NCOA3: variants seen among roughly 807,000 people sequenced by gnomAD.
NCOA3 encodes CBP-interacting protein.
In NCOA3, 51 loss-of-function variants were observed where a neutral mutation model predicts 158.8. The observed-to-expected ratio is 0.32, with a 90% CI of 0.26 to 0.41. The LOEUF (loss-of-function observed/expected upper bound fraction) is 0.41, where lower values mean the gene tolerates loss of function less well. Among genes scored for constraint, NCOA3 ranks in the 10% least tolerant of loss-of-function variants. The probability of loss-of-function intolerance (pLI) is 1.00; values close to 1 mark genes in which losing one functional copy is unlikely to be tolerated. For synonymous variants in NCOA3, 537 were observed against 592.4 expected, an observed-to-expected ratio of 0.91 and a Z score of 1.36; for missense variants, 1,510 against 1,746.6, an observed-to-expected ratio of 0.86 and a Z score of 2.41.
intron 10 of NCOA3, among the ~76,000 whole-genome samples, chr20:47,634,475 A>G (rs1159211202): frequency 6.6e-6 from 1 of 152,230 alleles, no homozygotes; most frequent in Admixed American, 6.5e-5. Flanking sequence ...CTTACCACTC[A>G]TTTCTGATAA....
chr20:47,635,010 C>T (rs563792886), intron 10 of NCOA3, among the ~76,000 whole-genome samples: 1 of 150,980 alleles, frequency 6.6e-6, no homozygotes, highest in African/African-American at 2.4e-5. Flanking sequence ...CTCACTGCAA[C>T]CTCGAACTCC....
In NCOA3 at chr20:47,652,480, G is replaced by T. The variant is rs1355776553; in HGVS notation, c.4021G>T (p.Gly1341Cys). The T allele has an allele frequency of 6.2e-7, 1 of 1,613,904 alleles. No individual in the cohort carries two copies. Among genetic ancestry groups the T allele is most frequent in the African/African-American group, 1.3e-5 (1 of 74,908 alleles). Residue 1341 changes from glycine to cysteine, a missense_variant, in exon 21 of 23, where the codon GGT becomes TGT. Gly to Cys is a radical substitution (Grantham distance 159). Around this residue, in one of 4 missense-constraint regions of NCOA3, gnomAD observed 180 missense variants for 199.3 expected, o/e 0.90. Transcript: ENST00000371998. ...PPNAMMSSRM[G>C]PSQNPMMQHP... Reference sequence around the variant, plus strand: ...CAATGCAATGATGTCGTCAAGAATGGGTCCCTCCCAGAATCCCATGATGCA... The same window carrying T: ...CAATGCAATGATGTCGTCAAGAATGTGTCCCTCCCAGAATCCCATGATGCA...
intron 1 of NCOA3, among the ~76,000 whole-genome samples, chr20:47,514,551 C>G (rs2084199916): frequency 6.6e-6 from 1 of 151,880 alleles, no homozygotes; most frequent in South Asian, 2.1e-4. Context: ...TCATTCCCAC[C>G]TAATTTTTTT....
intron 9 of NCOA3, 52 bp downstream of exon 9, chr20:47,633,688 G>T (rs775480815): frequency 6.4e-7 from 1 of 1,568,988 alleles, no homozygotes; most frequent in Non-Finnish European, 8.6e-7. Flanking sequence ...TTAGAGACAG[G>T]GCCTTGCTAT....
chr20:47,555,054 C>T (rs988857753), intron 1 of NCOA3, among the ~76,000 whole-genome samples: 1 of 152,158 alleles, frequency 6.6e-6, no homozygotes, highest in African/African-American at 2.4e-5. Context: ...AATAATGCTG[C>T]ATATCTACAA....
chr20:47,641,498 T>TC (rs1314545872), intron 16 of NCOA3, among the ~76,000 whole-genome samples: 1 of 124,182 alleles, frequency 8.1e-6, no homozygotes, highest in East Asian at 2.2e-4. Flanking sequence ...TTCTTTTTTT[T>TC]TTTTTTTTTT....
intron 8 of NCOA3, among the ~76,000 whole-genome samples, chr20:47,629,127 ATG>A (rs1231725324): frequency 6.6e-6 from 1 of 152,190 alleles, no homozygotes; most frequent in African/African-American, 2.4e-5. Flanking sequence ...TTACATATGT[ATG>A]TGTGTGTTTG....
intron 1 of NCOA3, among the ~76,000 whole-genome samples, chr20:47,549,608 G>A (rs367880418): frequency 1.3e-5 from 2 of 151,018 alleles, no homozygotes; most frequent in Admixed American, 6.6e-5. Context: ...ATAAATTGGT[G>A]GTGGTTGGAT....
At chr20:47,536,969 A>C (rs78803156) in intron 1 of NCOA3, among the ~76,000 whole-genome samples, 1 of 150,734 alleles carries the variant, frequency 6.6e-6, no homozygotes, top group South Asian at 2.1e-4. Context: ...ATGCCCGGCT[A>C]ATTTTTTTTT....
In NCOA3 at chr20:47,527,588, T is replaced by A. The variant is rs4809640; in HGVS notation, c.-99+25569T>A. Among the ~76,000 whole-genome samples the A allele has an allele frequency of 2.8e-3, 427 of 152,356 alleles. 6 individuals carry two copies. Among genetic ancestry groups the A allele is most frequent in the Admixed American group, 0.025 (386 of 15,300 alleles). On this transcript the variant is annotated intron_variant, in intron 1 of 22. Coordinates refer to ENST00000371998, the MANE Select transcript of NCOA3 (RefSeq NM_181659.3). ...AATAGAGCCGCTGTGAACATTTGAA[T>A]ACAAACCTTAGCGTGGGCAGAAGGT... is the stretch of plus-strand genomic sequence containing the variant.
At chr20:47,522,834 G>A (rs1227813324) in intron 1 of NCOA3, among the ~76,000 whole-genome samples, 1 of 151,768 alleles carries the variant, frequency 6.6e-6, no homozygotes, top group African/African-American at 2.4e-5. Context: ...GCATATCAAA[G>A]GTTGTTGGCC....
chr20:47,620,946 C>G (rs2086230730), intron 2 of NCOA3, among the ~76,000 whole-genome samples: 1 of 152,118 alleles, frequency 6.6e-6, no homozygotes, highest in Non-Finnish European at 1.5e-5. Flanking sequence ...GACATTGACA[C>G]GTTTGAAAAT....
chr20:47,535,730 T>TCTC (rs2084622095), intron 1 of NCOA3, among the ~76,000 whole-genome samples: 1 of 151,994 alleles, frequency 6.6e-6, no homozygotes, highest in Admixed American at 6.6e-5. Context: ...ATGGTCTTGA[T>TCTC]CTCCTGACCT....
chr20:47,640,296 T>G (rs2086582552), intron 16 of NCOA3, among the ~76,000 whole-genome samples: 1 of 152,186 alleles, frequency 6.6e-6, no homozygotes, highest in Admixed American at 6.5e-5. Flanking sequence ...GGCCATTCAG[T>G]GGCCAAACCT....
rs1185081030 is a variant in NCOA3, at chr20:47,636,682, A to T, written c.2296A>T (p.Met766Leu). The change falls in exon 12 of 23, where the codon ATG becomes TTG. Residue 766 changes from methionine (M) to leucine (L), a missense_variant. Transcript: ENST00000371998. ...CCAAGTGGAAGGAGTGGATAATAAA[A>T]TGAGTCAGTGCACCAGCTCCACCAT... ...QPQVEGVDNKMSQCTSSTIPS... is the reference protein window; with the variant it reads ...QPQVEGVDNKLSQCTSSTIPS... 6.2e-7 allele frequency: 1 copy of T among 1,614,172 alleles called. No individual in the cohort carries two copies. Among genetic ancestry groups the T allele is most frequent in the Non-Finnish European group, 8.5e-7 (1 of 1,180,002 alleles).
chr20:47,611,094 A>G (rs547092392), intron 2 of NCOA3, among the ~76,000 whole-genome samples: 60 of 152,196 alleles, frequency 3.9e-4, no homozygotes, highest in Non-Finnish European at 7.1e-4. Flanking sequence ...TAATGTTGTC[A>G]TCTCTTAAGC....
Position 47,624,044 on chromosome 20 carries a change from A to G in NCOA3, c.217A>G (p.Lys73Glu). ...NVKPDKCAILKETVRQIRQIK... is the reference protein window; with the variant it reads ...NVKPDKCAILEETVRQIRQIK... ...CAAACCAGATAAATGTGCGATTTTA[A>G]AGGAAACAGTAAGACAGATACGTCA... The change falls in exon 4 of 23, where the codon AAG becomes GAG. Residue 73 changes from lysine (K) to glutamate (E), a missense_variant. Lys to Glu is a moderately conservative substitution (Grantham distance 56, BLOSUM62 1). Transcript: ENST00000371998. The G allele has an allele frequency of 6.2e-7, 1 of 1,612,808 alleles. No individual in the cohort carries two copies. The highest frequency in any genetic ancestry group is 8.5e-7 in the Non-Finnish European group (1 of 1,179,674).
chr20:47,575,699 G>A (rs763311732), intron 1 of NCOA3, among the ~76,000 whole-genome samples: 2 of 152,204 alleles, frequency 1.3e-5, no homozygotes, highest in Non-Finnish European at 2.9e-5. Context: ...CAATGGTGGT[G>A]CCTACAGGGT....
In NCOA3 at chr20:47,501,919, G is replaced by C; in HGVS notation, c.-199G>C. 3 of 400,398 alleles carry C rather than the reference G, an allele frequency of 7.5e-6. No homozygotes were observed. Among genetic ancestry groups the C allele is most frequent in the East Asian group, 3.6e-5 (1 of 28,136 alleles). 24.8% of individuals were successfully genotyped at this position (400,398 alleles called of 1,614,324 possible). A position where few individuals can be genotyped will look rare whatever the true frequency, so the allele number is the denominator to read the frequency against. The stretch of plus-strand genomic sequence containing the variant: ...GCTGTCTCAGCCGCTCCACAGCGAC[G>C]GCAGCGGCTGCGGCTTAGTCGGTGG... On this transcript the variant is annotated 5_prime_UTR_variant, in exon 1 of 23. Transcript: ENST00000371998.
Sources: allele counts gnomAD v4.1 joint callset (sites outside exome capture counted in the v4.1 genomes callset), GRCh38; gene constraint gnomAD v4.1.1; regional missense constraint gnomAD v4.1.1; transcripts MANE v1.5; gene names NCBI Gene and HGNC (gene_info 2026-07-23, HGNC 2026-07-21).